Variants in TENM3 observed in about 807,000 individuals in gnomAD.
TENM3 encodes the protein teneurin-3.
A neutral mutation model predicts 255.1 loss-of-function variants in TENM3; 63 were observed. The ratio of observed to expected loss-of-function variants is 0.25; its 90% CI spans 0.20 to 0.30. The LOEUF is 0.30. Ranked by LOEUF, TENM3 falls within the 10% of genes least tolerant of loss-of-function variation. TENM3 has a pLI of 1.00. For missense variants in TENM3, 2,929 were observed against 3,461.1 expected (o/e 0.85, Z 3.86); for synonymous variants, 1,306 against 1,322.3 (o/e 0.99, Z 0.27).
At chr4:181,836,774 A>G in the TENM3 span, among the ~76,000 whole-genome samples, 7 of 152,202 alleles carry the variant, frequency 4.6e-5, no homozygotes, top group African/African-American at 1.7e-4. Context: ...TTTCAGAATT[A>G]ATGTGTCAAG....
the TENM3 span, among the ~76,000 whole-genome samples, chr4:181,652,662 C>G: frequency 1.6e-4 from 25 of 152,224 alleles, no homozygotes; most frequent in Middle Eastern, 3.4e-3. Flanking sequence ...TTGGCTGTTT[C>G]CCCTTCATCT....
intron 1 of TENM3, among the ~76,000 whole-genome samples, chr4:182,267,715 TAAA>T (rs55836214): frequency 7.4e-6 from 1 of 135,830 alleles, no homozygotes; most frequent in Non-Finnish European, 1.6e-5. Context: ...AAAGCCAATT[TAAA>T]AAAAAAAAAA....
intron 3 of TENM3, among the ~76,000 whole-genome samples, chr4:182,545,283 T>C (rs1282702690): frequency 6.6e-6 from 1 of 152,194 alleles, no homozygotes; most frequent in East Asian, 1.9e-4. Context: ...TAAGAACTCA[T>C]TAATAGATGT....
chr4:182,452,424 A>G (rs1027330402), intron 3 of TENM3, among the ~76,000 whole-genome samples: 3 of 152,120 alleles, frequency 2.0e-5, no homozygotes, highest in Admixed American at 1.3e-4. Context: ...TAGATCTTTC[A>G]GTGGCCTGGT....
chr4:181,706,685 T>G, the TENM3 span, among the ~76,000 whole-genome samples: 1 of 152,222 alleles, frequency 6.6e-6, no homozygotes, highest in Admixed American at 6.5e-5. Flanking sequence ...GGTTCCGCAT[T>G]GGTTGACCTC....
chr4:182,257,548 T>A (rs577115162), intron 1 of TENM3, among the ~76,000 whole-genome samples: 7 of 152,300 alleles, frequency 4.6e-5, no homozygotes, highest in Admixed American at 3.3e-4. Context: ...AGTGTGAGCA[T>A]CTAGAGGACT....
chr4:181,990,843 G>A, the TENM3 span, among the ~76,000 whole-genome samples: 83 of 152,226 alleles, frequency 5.5e-4, no homozygotes, highest in Non-Finnish European at 1.0e-4. Context: ...AAAGGAGAAA[G>A]AAAGGCAAAA....
chr4:181,975,437 C>T, the TENM3 span: 2 of 152,282 alleles, frequency 1.3e-5, no homozygotes, highest in Middle Eastern at 3.4e-3. Flanking sequence ...CATGCCCGGC[C>T]GATTGCTTAG....
In TENM3 at chr4:182,383,967, G is replaced by A. The variant is rs576719813; in HGVS notation, c.511+37038G>A. On this transcript the variant is annotated intron_variant, in intron 3 of 27. Transcript: ENST00000511685. ...AGGACCGTATTTCTGTGCATGCACA[G>A]TGTATATTCTTGAGCTCATGCCAGG... Among the ~76,000 whole-genome samples the A allele has an allele frequency of 1.1e-4, 16 of 152,300 alleles. No homozygotes were observed. In the South Asian group the frequency reaches 3.1e-3, roughly 30 times the overall value.
the TENM3 span, among the ~76,000 whole-genome samples, chr4:182,126,236 A>G: frequency 2.2e-4 from 34 of 152,142 alleles, no homozygotes; most frequent in Admixed American, 2.0e-3. Flanking sequence ...TTGAATCAGC[A>G]TTATTATCCA....
At chr4:181,471,563 T>C in the TENM3 span, among the ~76,000 whole-genome samples, 2 of 152,142 alleles carry the variant, frequency 1.3e-5, no homozygotes, top group African/African-American at 2.4e-5. Flanking sequence ...GAACTTGGTT[T>C]ATAAAAACCT....
intron 3 of TENM3, among the ~76,000 whole-genome samples, chr4:182,436,349 T>C (rs1772046403): frequency 6.6e-6 from 1 of 152,218 alleles, no homozygotes; most frequent in African/African-American, 2.4e-5. Flanking sequence ...TGCAGCTTTG[T>C]CTGTCTTCGG....
At chr4:182,508,475 C>T (rs1019214180) in intron 3 of TENM3, among the ~76,000 whole-genome samples, 6 of 151,988 alleles carry the variant, frequency 3.9e-5, no homozygotes, top group Admixed American at 2.6e-4. Context: ...CAATAATTAT[C>T]ACTATCATCA....
At chr4:181,949,547 C>A in the TENM3 span, among the ~76,000 whole-genome samples, 1 of 152,184 alleles carries the variant, frequency 6.6e-6, no homozygotes, top group South Asian at 2.1e-4. Flanking sequence ...CCTCTACCAC[C>A]CTGGCCCAAC....
At chr4:182,542,580 G>A (rs1020984213) in intron 3 of TENM3, among the ~76,000 whole-genome samples, 1 of 152,000 alleles carries the variant, frequency 6.6e-6, no homozygotes, top group African/African-American at 2.4e-5. Flanking sequence ...ACAATTCTTT[G>A]GGAGCCTTGC....
At chr4:182,746,426 G>T (rs894754721) in intron 19 of TENM3, among the ~76,000 whole-genome samples, 1 of 152,134 alleles carries the variant, frequency 6.6e-6, no homozygotes, top group Non-Finnish European at 1.5e-5. Flanking sequence ...CTGGGGGAGA[G>T]CTGAGCAAGA....
the TENM3 span, among the ~76,000 whole-genome samples, chr4:181,599,686 G>A: frequency 2.6e-5 from 4 of 152,094 alleles, no homozygotes; most frequent in Non-Finnish European, 2.9e-5. Context: ...TAAAAAATAA[G>A]ATCAGATTTA....
the TENM3 span, among the ~76,000 whole-genome samples, chr4:181,886,911 C>T: frequency 6.6e-6 from 1 of 152,204 alleles, no homozygotes; most frequent in Non-Finnish European, 1.5e-5. Context: ...CTGACACCTG[C>T]TTGAATGTCC....
At chr4:182,111,171 A>C in the TENM3 span, among the ~76,000 whole-genome samples, 1 of 145,608 alleles carries the variant, frequency 6.9e-6, no homozygotes, top group African/African-American at 2.5e-5. Context: ...CTGTATCCGG[A>C]TATACAAGTC....
Sources: gnomAD v4.1 joint callset for allele counts (sites outside exome capture counted in the v4.1 genomes callset) on GRCh38, gnomAD v4.1.1 for gene constraint, MANE v1.5 for transcripts, NCBI Gene and HGNC (gene_info 2026-07-23, HGNC 2026-07-21) for gene names.